TRAPPC9: variants seen among roughly 807,000 people sequenced by gnomAD.
TRAPPC9 encodes trafficking protein particle complex subunit 9.
A neutral mutation model predicts 124.0 loss-of-function variants in TRAPPC9; 83 were observed. The observed-to-expected ratio is 0.67, with a 90% CI of 0.56 to 0.80. TRAPPC9 has a LOEUF of 0.80. TRAPPC9 is among the 30% of genes least tolerant of loss of function. The pLI, the probability that TRAPPC9 is intolerant of heterozygous loss-of-function variation, is 0.00. For synonymous variants in TRAPPC9, 638 were observed against 617.5 expected, an observed-to-expected ratio of 1.03 and a Z score of -0.49; for missense variants, 1,302 against 1,508.3, an observed-to-expected ratio of 0.86 and a Z score of 2.27.
chr8:139,948,519 G>A (rs1722251761), intron 19 of TRAPPC9, among the ~76,000 whole-genome samples: 1 of 152,214 alleles, frequency 6.6e-6, no homozygotes, highest in South Asian at 2.1e-4. Context: ...GGCAGGAGAG[G>A]CCACAAATTA....
At chr8:139,897,933 A>G (rs1830767038) in intron 20 of TRAPPC9, among the ~76,000 whole-genome samples, 1 of 152,252 alleles carries the variant, frequency 6.6e-6, no homozygotes, top group African/African-American at 2.4e-5. Flanking sequence ...GAAGAGGGCG[A>G]GAGCCCCTTG....
chr8:139,932,514 G>A (rs1308491804), intron 19 of TRAPPC9: 2 of 456,562 alleles, frequency 4.4e-6, no homozygotes, highest in Non-Finnish European at 8.8e-6. Flanking sequence ...TGTAATCCCA[G>A]CACTTTGGAA....
At chr8:140,354,253 G>T (rs762709787) in intron 9 of TRAPPC9, among the ~76,000 whole-genome samples, 4 of 152,144 alleles carry the variant, frequency 2.6e-5, no homozygotes, top group Admixed American at 6.5e-5. Flanking sequence ...CACAACCCAT[G>T]AGGCTTCAGA....
intron 8 of TRAPPC9, among the ~76,000 whole-genome samples, chr8:140,361,553 C>T (rs1458611942): frequency 6.6e-6 from 1 of 152,194 alleles, no homozygotes; most frequent in African/African-American, 2.4e-5. Context: ...CATAAGTTCT[C>T]AATAAATGCT....
intron 16 of TRAPPC9, among the ~76,000 whole-genome samples, chr8:140,226,992 TA>T (rs2063470419): frequency 6.6e-6 from 1 of 152,324 alleles, no homozygotes; most frequent in African/African-American, 2.4e-5. Flanking sequence ...ATGGATTCTT[TA>T]TAGACTACAG....
rs1433063960 is a variant in TRAPPC9 at position 139,895,211 on chromosome 8, G to A, written c.2965-9242C>T. Among the ~76,000 whole-genome samples, 3 of 152,220 alleles carry A rather than the reference G, an allele frequency of 2.0e-5. No homozygotes were observed. The East Asian group carries it at 5.8e-4, about 29-fold the overall frequency. ...CTGGTAACAATATGGAAGTGGAAAA[G>A]CATCCCTGTTGACGAGGCGGGGGGC... On this transcript the variant is annotated intron_variant, in intron 20 of 22. Transcript: ENST00000438773.
intron 19 of TRAPPC9, among the ~76,000 whole-genome samples, chr8:139,926,343 A>G (rs1234593030): frequency 6.6e-6 from 1 of 152,156 alleles, no homozygotes; most frequent in Non-Finnish European, 1.5e-5. Flanking sequence ...TCTGCAAAAA[A>G]TAACACCCAC....
intron 17 of TRAPPC9, among the ~76,000 whole-genome samples, chr8:140,209,803 A>G (rs2063012534): frequency 6.6e-6 from 1 of 152,242 alleles, no homozygotes; most frequent in African/African-American, 2.4e-5. Flanking sequence ...TGCTCTATAA[A>G]TATGGTTTGA....
intron 17 of TRAPPC9, among the ~76,000 whole-genome samples, chr8:140,076,844 T>C (rs1202151454): frequency 6.6e-6 from 1 of 152,174 alleles, no homozygotes; most frequent in African/African-American, 2.4e-5. Context: ...AAAATGTAAA[T>C]AACATTTATA....
upstream of TRAPPC9, chr8:140,458,274 C>T (rs958958169): frequency 2.6e-6 from 4 of 1,553,054 alleles, no homozygotes; most frequent in Admixed American, 3.9e-5. Context: ...CTGTCCCCGC[C>T]GCTTACCAGT....
At chr8:140,412,653 C>T (rs780566361) in intron 5 of TRAPPC9, among the ~76,000 whole-genome samples, 4 of 152,054 alleles carry the variant, frequency 2.6e-5, no homozygotes, top group Non-Finnish European at 4.4e-5. Flanking sequence ...AATAATAAAG[C>T]AAATGATAAC....
intron 6 of TRAPPC9, among the ~76,000 whole-genome samples, chr8:140,404,536 TC>T (rs764089957): frequency 6.6e-6 from 1 of 152,136 alleles, no homozygotes; most frequent in Non-Finnish European, 1.5e-5. Context: ...AGAAAACCTT[TC>T]CACATGCTCT....
intron 14 of TRAPPC9, 75 bp from the exon 15 acceptor site, chr8:140,275,896 A>G: frequency 8.3e-7 from 1 of 1,211,130 alleles, no homozygotes. Context: ...TCACTTCCCA[A>G]AGAAGAATCA....
intron 19 of TRAPPC9, among the ~76,000 whole-genome samples, chr8:139,926,617 A>AC (rs1832835175): frequency 6.6e-6 from 1 of 151,542 alleles, no homozygotes; most frequent in South Asian, 2.1e-4. Context: ...TAAAAAAAAA[A>AC]AAAAAACTCC....
chr8:140,021,275 T>C (rs1159209677), intron 18 of TRAPPC9, among the ~76,000 whole-genome samples: 3 of 152,236 alleles, frequency 2.0e-5, no homozygotes, highest in Non-Finnish European at 2.9e-5. Flanking sequence ...ATTCCTTAAG[T>C]GGATTGCTCC....
At chr8:139,838,451 T>C (rs903935785) in intron 21 of TRAPPC9, among the ~76,000 whole-genome samples, 3 of 152,232 alleles carry the variant, frequency 2.0e-5, no homozygotes, top group Non-Finnish European at 4.4e-5. Context: ...CTCTGGGGCA[T>C]GTGGGGTGGC....
At chr8:140,192,226 T>C (rs1245705566) in intron 17 of TRAPPC9, among the ~76,000 whole-genome samples, 6 of 152,154 alleles carry the variant, frequency 3.9e-5, no homozygotes, top group African/African-American at 7.2e-5. Context: ...GCTGAGTAAA[T>C]TGTCAAGCCT....
intron 17 of TRAPPC9, among the ~76,000 whole-genome samples, chr8:140,072,670 G>A (rs1469298347): frequency 1.3e-5 from 2 of 151,414 alleles, no homozygotes; most frequent in African/African-American, 4.9e-5. Flanking sequence ...CTAGGAGAAC[G>A]TATTATATCT....
chr8:140,394,671 G>A (rs1041355105), intron 7 of TRAPPC9, among the ~76,000 whole-genome samples: 2 of 151,980 alleles, frequency 1.3e-5, no homozygotes, highest in Non-Finnish European at 2.9e-5. Context: ...CTCAGCCTGC[G>A]TTGGGGCCTC....
Sources: gnomAD v4.1 joint callset for allele counts (sites outside exome capture counted in the v4.1 genomes callset) on GRCh38, gnomAD v4.1.1 for gene constraint, MANE v1.5 for transcripts, NCBI Gene and HGNC (gene_info 2026-07-23, HGNC 2026-07-21) for gene names.